TTC33: variants seen among roughly 807,000 people sequenced by gnomAD.
TTC33 encodes tetratricopeptide repeat protein 33.
TTC33 carries 24 observed loss-of-function variants against 29.4 expected under a neutral mutation model. That is an observed-to-expected ratio of 0.82 (90% CI 0.59 to 1.15). The LOEUF (loss-of-function observed/expected upper bound fraction) is 1.15, where lower values mean the gene tolerates loss of function less well. Ranked by LOEUF, TTC33 falls within the 50% of genes most tolerant of loss-of-function variation. The pLI is 0.00. For missense variants in TTC33, 286 were observed against 310.4 expected (o/e 0.92, Z 0.59); for synonymous variants, 107 against 100.3 (o/e 1.07, Z -0.40).
chr5:40,732,585 G>C (rs1378978963), intron 2 of TTC33, among the ~76,000 whole-genome samples: 1 of 151,820 alleles, frequency 6.6e-6, no homozygotes, highest in South Asian at 2.1e-4. Context: ...ACATTTCTGG[G>C]AATGTAGAAG....
At chr5:40,725,035 C>T (rs1012121198) in intron 4 of TTC33, among the ~76,000 whole-genome samples, 9 of 151,900 alleles carry the variant, frequency 5.9e-5, no homozygotes, top group South Asian at 2.1e-4. Flanking sequence ...TTAGTAGAGA[C>T]GACGTTTCAC....
At chr5:40,728,093 C>T (rs1236239915) in intron 4 of TTC33, among the ~76,000 whole-genome samples, 1 of 151,836 alleles carries the variant, frequency 6.6e-6, no homozygotes, top group Non-Finnish European at 1.5e-5. Flanking sequence ...ACCAGCCTGA[C>T]TAACATGGTG....
rs558935034 is a variant in TTC33 at position 40,754,431 on chromosome 5, C to T, written c.-2+1393G>A. Among the ~76,000 whole-genome samples the T allele has an allele frequency of 5.3e-5, 8 of 152,210 alleles. No individual in the cohort carries two copies. In the East Asian group the frequency reaches 1.4e-3, roughly 26 times the overall value. On this transcript the variant is annotated intron_variant, in intron 1 of 4. Coordinates refer to ENST00000337702, the MANE Select transcript of TTC33 (RefSeq NM_012382.3). ...AGCTTCACATTTCTCCAGCAAACAG[C>T]GGCTAGTCATCTGCTCAAAGTAAAA... is the stretch of plus-strand genomic sequence containing the variant.
chr5:40,728,176 C>T (rs62356509), intron 4 of TTC33, among the ~76,000 whole-genome samples, 169 bp downstream of exon 4: 17,000 of 147,154 alleles, frequency 0.12, 1,267 homozygotes, highest in Non-Finnish European at 0.17. Flanking sequence ...CCCAGCTACA[C>T]AGGAGGCTGA....
In TTC33 at chr5:40,713,917, G is replaced by A. The variant is rs1741947482; in HGVS notation, c.*2228C>T. ...CATTTTTCTCTTCACGCATAGAAGA[G>A]TATGAGCTAAAATAAGCATTTTGAG... is the stretch of plus-strand genomic sequence containing the variant. On this transcript the variant is annotated 3_prime_UTR_variant, in exon 5 of 5. Coordinates refer to ENST00000337702, the MANE Select transcript of TTC33 (RefSeq NM_012382.3). 6.6e-6 allele frequency among the ~76,000 whole-genome samples: 1 copy of A among 152,182 alleles called. No individual in the cohort carries two copies. The highest frequency in any genetic ancestry group is 1.5e-5 in the Non-Finnish European group (1 of 68,016).
chr5:40,711,620 C>T lies in TTC33; in HGVS notation c.*4525G>A, dbSNP rs1741900804. On this transcript the variant is annotated 3_prime_UTR_variant, in exon 5 of 5. Transcript: ENST00000337702. Reference sequence around the variant, plus strand: ...CAGCTTTATTCATAATAGATCAAAACTTGAAACAACCTAAATGTCCATCAA... The same window carrying T: ...CAGCTTTATTCATAATAGATCAAAATTTGAAACAACCTAAATGTCCATCAA... Among the ~76,000 whole-genome samples the T allele has an allele frequency of 6.6e-6, 1 of 152,024 alleles. No homozygotes were observed. The highest frequency in any genetic ancestry group is 2.4e-5 in the African/African-American group (1 of 41,400).
chr5:40,746,423 T>C (rs992010539), intron 2 of TTC33, among the ~76,000 whole-genome samples: 1 of 152,106 alleles, frequency 6.6e-6, no homozygotes, highest in African/African-American at 2.4e-5. Flanking sequence ...ATTCAGGAAA[T>C]GCCTAATTTA....
intron 2 of TTC33, among the ~76,000 whole-genome samples, chr5:40,732,081 A>C (rs536831211): frequency 6.6e-6 from 1 of 152,368 alleles, no homozygotes; most frequent in Admixed American, 6.5e-5. Flanking sequence ...GCATGATCAC[A>C]GCTCATTGCA....
intron 1 of TTC33, among the ~76,000 whole-genome samples, chr5:40,753,860 C>T (rs1284886811): frequency 6.6e-6 from 1 of 151,594 alleles, no homozygotes; most frequent in Non-Finnish European, 1.5e-5. Context: ...TAAAGGACAC[C>T]TAGTGTGTTT....
intron 2 of TTC33, among the ~76,000 whole-genome samples, chr5:40,733,244 T>C (rs534109474): frequency 2.6e-5 from 4 of 152,262 alleles, no homozygotes; most frequent in Non-Finnish European, 4.4e-5. Flanking sequence ...TCAGGAGTCT[T>C]TGACAGCTTT....
chr5:40,717,561 A>G (rs977517556), intron 4 of TTC33, among the ~76,000 whole-genome samples: 4 of 152,230 alleles, frequency 2.6e-5, no homozygotes, highest in African/African-American at 9.6e-5. Flanking sequence ...ATATTCAGCA[A>G]CATCCCTGAC....
At chr5:40,742,349 T>C (rs1354793906) in intron 2 of TTC33, among the ~76,000 whole-genome samples, 1 of 152,160 alleles carries the variant, frequency 6.6e-6, no homozygotes, top group Non-Finnish European at 1.5e-5. Flanking sequence ...CTAATATTTA[T>C]TGAGTATTTA....
At chr5:40,730,434 T>G (rs1742400864) in intron 2 of TTC33, 91 bp from the exon 3 acceptor site, 1 of 974,122 alleles carries the variant, frequency 1.0e-6, no homozygotes, top group African/African-American at 1.6e-5. Context: ...AAATATAAAA[T>G]TTACCATCTT....
intron 4 of TTC33, among the ~76,000 whole-genome samples, chr5:40,720,064 T>C (rs1370712546): frequency 6.6e-6 from 1 of 152,212 alleles, no homozygotes; most frequent in African/African-American, 2.4e-5. Context: ...TATCTACTTT[T>C]TTCTTTTGTT....
chr5:40,712,478 G>A lies in TTC33; in HGVS notation c.*3667C>T, dbSNP rs116733503. Among the ~76,000 whole-genome samples, 78 of 152,236 alleles carry A rather than the reference G, an allele frequency of 5.1e-4. No individual in the cohort carries two copies. The highest frequency in any genetic ancestry group is 1.8e-3 in the African/African-American group (76 of 41,562). On this transcript the variant is annotated 3_prime_UTR_variant, in exon 5 of 5. Transcript: ENST00000337702. ...TTAAGTTTACTGCTGAAAAAGGCTA[G>A]GTTAGAGGATGTACTTTAAGTTTAT...
intron 4 of TTC33, among the ~76,000 whole-genome samples, chr5:40,720,035 T>G (rs1454203150): frequency 6.6e-6 from 1 of 152,214 alleles, no homozygotes; most frequent in African/African-American, 2.4e-5. Context: ...CAAAAGTGTT[T>G]AATTTGAAGT....
chr5:40,743,112 A>G (rs568175463), intron 2 of TTC33, among the ~76,000 whole-genome samples: 4 of 152,360 alleles, frequency 2.6e-5, no homozygotes, highest in Non-Finnish European at 4.4e-5. Flanking sequence ...CAGTAACTTC[A>G]AAAAGGGAGA....
chr5:40,723,763 G>A (rs765613511), intron 4 of TTC33, among the ~76,000 whole-genome samples: 8 of 152,094 alleles, frequency 5.3e-5, no homozygotes, highest in South Asian at 2.1e-4. Flanking sequence ...TACTTGGGAG[G>A]CTGAGGCAGG....
At chr5:40,738,119 T>TA (rs1469850560) in intron 2 of TTC33, among the ~76,000 whole-genome samples, 1 of 152,104 alleles carries the variant, frequency 6.6e-6, no homozygotes, top group African/African-American at 2.4e-5. Context: ...TATTTAACTT[T>TA]ATGTGAAACA....
Sources: gnomAD v4.1 joint callset for allele counts (sites outside exome capture counted in the v4.1 genomes callset) on GRCh38, gnomAD v4.1.1 for gene constraint, MANE v1.5 for transcripts, NCBI Gene and HGNC (gene_info 2026-07-23, HGNC 2026-07-21) for gene names.